The following OCIAD1 variants were observed in gnomAD, a reference collection of about 807,000 sequenced individuals.
OCIAD1 encodes OCIA domain containing 1.
A neutral mutation model predicts 38.9 loss-of-function variants in OCIAD1; 29 were observed. The ratio of observed to expected loss-of-function variants is 0.74; its 90% CI spans 0.55 to 1.02. The LOEUF (loss-of-function observed/expected upper bound fraction) is 1.02, where lower values mean the gene tolerates loss of function less well. Ranked by LOEUF, OCIAD1 falls within the 50% of genes least tolerant of loss-of-function variation. OCIAD1 has a pLI of 0.00. For synonymous variants in OCIAD1, 110 were observed against 92.0 expected (o/e 1.20, Z -1.12); for missense variants, 288 against 289.6 (o/e 0.99, Z 0.04).
chr4:48,848,398 G>A lies in OCIAD1; in HGVS notation c.194-1G>A. Reference sequence around the variant, plus strand: ...CAGAAATACTTAACTCTTTTCTTTAGGAATACTTTCAAGTCATCCCAAATA... The same window carrying A: ...CAGAAATACTTAACTCTTTTCTTTAAGAATACTTTCAAGTCATCCCAAATA... On this transcript the variant is annotated splice_acceptor_variant, in intron 4 of 8. Coordinates refer to ENST00000264312, the MANE Select transcript of OCIAD1 (RefSeq NM_017830.4). LOFTEE classifies it high-confidence loss of function. 6.9e-7 allele frequency: 1 copy of A among 1,441,824 alleles called. No homozygotes were observed. Among genetic ancestry groups the A allele is most frequent in the Non-Finnish European group, 9.7e-7 (1 of 1,030,118 alleles). The allele number at this position is 1,441,824 out of a possible 1,614,324, so 89.3% of individuals were successfully genotyped here.
At chr4:48,824,371 C>G (rs1777227410) in intron 1 of OCIAD1, among the ~76,000 whole-genome samples, 1 of 151,930 alleles carries the variant, frequency 6.6e-6, no homozygotes, top group African/African-American at 2.4e-5. Flanking sequence ...GACTCTAAAA[C>G]TGTTTTTGTT....
rs766837711 is a variant in OCIAD1, at chr4:48,818,009, G to T, written c.-102-12568G>T. 7.2e-5 allele frequency among the ~76,000 whole-genome samples: 11 copies of T among 152,320 alleles called. No individual in the cohort carries two copies. In the South Asian group the frequency reaches 2.1e-3, roughly 29 times the overall value. The stretch of plus-strand genomic sequence containing the variant: ...CGGATTTAATCATTCCTGCTTGCTG[G>T]CTCTGAAGAGAGCAGCTGATCCTGA... On this transcript the variant is annotated intron_variant, in intron 1 of 6. Transcript: ENST00000504654.
At chr4:48,860,295 T>C (rs188109068) in intron 8 of OCIAD1, 2 of 153,848 alleles carry the variant, frequency 1.3e-5, no homozygotes, top group Admixed American at 1.3e-4. Flanking sequence ...AATGTTTGTT[T>C]TATTATTTCC....
At chr4:48,828,389 G>T (rs1777273141), upstream of OCIAD1, among the ~76,000 whole-genome samples, 1 of 152,204 alleles carries the variant, frequency 6.6e-6, no homozygotes, top group Admixed American at 6.5e-5. Flanking sequence ...AGCAGGATGT[G>T]TGTGGGGCCA....
chr4:48,852,890 T>G (rs141911057), intron 7 of OCIAD1, among the ~76,000 whole-genome samples: 2,879 of 147,662 alleles, frequency 0.019, 69 homozygotes, highest in Middle Eastern at 0.038. Context: ...TTGTTTTTTT[T>G]TTTTTTTTTG....
chr4:48,833,279 G>C, intron 2 of OCIAD1, 122 bp from the exon 3 acceptor site: 1 of 640,160 alleles, frequency 1.6e-6, no homozygotes, highest in African/African-American at 1.8e-5. Context: ...GCATAAGCCA[G>C]TTGTTTTATT....
At chr4:48,828,489 T>C (rs1401512370), upstream of OCIAD1, among the ~76,000 whole-genome samples, 1 of 152,212 alleles carries the variant, frequency 6.6e-6, no homozygotes, top group Non-Finnish European at 1.5e-5. Context: ...TCTTTTGCTC[T>C]TTGCAATAAA....
chr4:48,860,499 T>C (rs569535755), intron 8 of OCIAD1, among the ~76,000 whole-genome samples: 8 of 152,296 alleles, frequency 5.3e-5, no homozygotes, highest in African/African-American at 1.9e-4. Flanking sequence ...TTTAGAAGTT[T>C]GTTATGAGGA....
chr4:48,837,783 G>C (rs1470424595), intron 3 of OCIAD1, among the ~76,000 whole-genome samples: 1 of 152,000 alleles, frequency 6.6e-6, no homozygotes, highest in Non-Finnish European at 1.5e-5. Flanking sequence ...GTAGTGTTGG[G>C]CTAACGGTTA....
chr4:48,860,591 A>T, intron 8 of OCIAD1, 134 bp from the exon 9 acceptor site: 2 of 723,386 alleles, frequency 2.8e-6, no homozygotes, highest in African/African-American at 1.8e-5. Context: ...CCTTTTTGTA[A>T]TTATAATTTG....
chr4:48,836,286 T>G (rs1439973241), intron 3 of OCIAD1, among the ~76,000 whole-genome samples: 1 of 152,178 alleles, frequency 6.6e-6, no homozygotes, highest in Non-Finnish European at 1.5e-5. Context: ...ATAAAAGGAT[T>G]TTTTAAAAAG....
chr4:48,861,246 C>T lies in OCIAD1; in HGVS notation c.*484C>T, dbSNP rs1344215672. ...GGCAAATAAAATGTAAAGGAACATG[C>T]AACAGCCCTCATCTTCCTTGATTTT... On this transcript the variant is annotated 3_prime_UTR_variant, in exon 9 of 9. Coordinates refer to ENST00000264312, the MANE Select transcript of OCIAD1 (RefSeq NM_017830.4). 1 of 152,774 alleles carries T rather than the reference C, an allele frequency of 6.5e-6. No individual in the cohort carries two copies. The highest frequency in any genetic ancestry group is 2.4e-5 in the African/African-American group (1 of 41,446). 9.5% of individuals were successfully genotyped at this position (152,774 alleles called of 1,614,324 possible).
chr4:48,820,650 A>G lies in OCIAD1; in HGVS notation c.-102-9927A>G, dbSNP rs62219176. On this transcript the variant is annotated intron_variant, in intron 1 of 6. Transcript: ENST00000504654. ...AAAAGATTAACCAAATAGATGGACC[A>G]CTAGCTAGACTAATAAAGAAAAGAG... is the stretch of plus-strand genomic sequence containing the variant. Among the ~76,000 whole-genome samples the G allele has an allele frequency of 3.8e-3, 574 of 152,282 alleles. 4 individuals are homozygous for G. Among genetic ancestry groups the G allele is most frequent in the African/African-American group, 0.013 (542 of 41,576 alleles).
At chr4:48,850,789 G>A (rs1330563435) in intron 6 of OCIAD1, among the ~76,000 whole-genome samples, 1 of 152,090 alleles carries the variant, frequency 6.6e-6, no homozygotes, top group East Asian at 1.9e-4. Context: ...TTACCAGGCT[G>A]GTCTCAAACT....
rs373978650 is a variant in OCIAD1 at position 48,848,758 on chromosome 4, A to T, written c.241+312A>T. On this transcript the variant is annotated intron_variant, in intron 5 of 8. Transcript: ENST00000264312. Reference sequence around the variant, plus strand: ...TCTATGGGGAAACAAAGTTATGAAGATATTCTGATTAATCAAAATAAAGTA... The same window carrying T: ...TCTATGGGGAAACAAAGTTATGAAGTTATTCTGATTAATCAAAATAAAGTA... 161 of 183,630 alleles carry T rather than the reference A, an allele frequency of 8.8e-4. 3 individuals are homozygous for T. In the Middle Eastern group the frequency reaches 0.018, roughly 21 times the overall value. 11.4% of individuals were successfully genotyped at this position (183,630 alleles called of 1,614,324 possible). A position where few individuals can be genotyped will look rare whatever the true frequency, so the allele number is the denominator to read the frequency against.
intron 1 of OCIAD1, among the ~76,000 whole-genome samples, chr4:48,818,173 T>C (rs1777160373): frequency 6.6e-6 from 1 of 152,096 alleles, no homozygotes; most frequent in African/African-American, 2.4e-5. Flanking sequence ...ACAGGAGAGC[T>C]CCAGCTGATA....
At chr4:48,829,363 CTTAT>C (rs1391005827), upstream of OCIAD1, among the ~76,000 whole-genome samples, 1 of 151,260 alleles carries the variant, frequency 6.6e-6, no homozygotes, top group African/African-American at 2.4e-5. Flanking sequence ...TTTTAATTTT[CTTAT>C]TTTTGTTTTT....
At chr4:48,857,431 A>G in intron 8 of OCIAD1, 66 bp downstream of exon 8, 1 of 965,422 alleles carries the variant, frequency 1.0e-6, no homozygotes. Context: ...ACTTTAAAAC[A>G]ATACTATAAA....
chr4:48,824,530 A>C (rs1190423358), intron 1 of OCIAD1, among the ~76,000 whole-genome samples: 2 of 151,830 alleles, frequency 1.3e-5, no homozygotes, highest in African/African-American at 4.8e-5. Flanking sequence ...ACAGGCATGC[A>C]CTAGCACACC....
Sources: allele counts gnomAD v4.1 joint callset (sites outside exome capture counted in the v4.1 genomes callset), GRCh38; gene constraint gnomAD v4.1.1; transcripts MANE v1.5; gene names NCBI Gene and HGNC (gene_info 2026-07-23, HGNC 2026-07-21).